The following FNIP1 variants were observed in gnomAD, a reference collection of about 807,000 sequenced individuals.
FNIP1 encodes folliculin-interacting protein 1.
FNIP1 carries 40 observed loss-of-function variants against 124.5 expected under a neutral mutation model. That is an observed-to-expected ratio of 0.32 (90% confidence interval 0.25 to 0.42). The LOEUF (loss-of-function observed/expected upper bound fraction) is 0.42. FNIP1 is among the 10% of genes least tolerant of loss of function. The pLI, the probability that FNIP1 is intolerant of heterozygous loss-of-function variation, is 1.00. For synonymous variants in FNIP1, 472 were observed against 470.6 expected (o/e 1.00, Z -0.04); for missense variants, 1,176 against 1,403.7 (o/e 0.84, Z 2.59).
At chr5:131,785,487 G>A (rs1011574857) in intron 1 of FNIP1, among the ~76,000 whole-genome samples, 20 of 151,816 alleles carry the variant, frequency 1.3e-4, no homozygotes, top group East Asian at 5.8e-4. Flanking sequence ...CCCGGGAGGC[G>A]GAGGTTGCAG....
chr5:131,772,811 C>CA (rs1383725324), intron 1 of FNIP1, among the ~76,000 whole-genome samples: 2 of 152,198 alleles, frequency 1.3e-5, no homozygotes, highest in African/African-American at 2.4e-5. Context: ...ATAACTGCAA[C>CA]AGTGCTTCAC....
chr5:131,754,742 G>A (rs1382970493), intron 1 of FNIP1, among the ~76,000 whole-genome samples: 1 of 152,192 alleles, frequency 6.6e-6, no homozygotes, highest in Non-Finnish European at 1.5e-5. Context: ...TCTTCATCCA[G>A]GCAATGAGTA....
chr5:131,647,208 G>A lies in FNIP1; in HGVS notation c.3307-3C>T. ...CGGTCTTCAAGATGCATTACACACT[G>A]CAGTTAGGGAGGAACCAAGAACCAG... is the stretch of plus-strand genomic sequence containing the variant. On this transcript the variant is annotated splice_polypyrimidine_tract_variant and splice_region_variant and intron_variant, in intron 16 of 17. Transcript: ENST00000510461. 6.2e-7 allele frequency: 1 copy of A among 1,610,628 alleles called. No homozygotes were observed. Among genetic ancestry groups the A allele is most frequent in the African/African-American group, 1.3e-5 (1 of 74,954 alleles).
intron 11 of FNIP1, among the ~76,000 whole-genome samples, chr5:131,697,171 G>C (rs1287334002): frequency 6.6e-6 from 1 of 152,072 alleles, no homozygotes; most frequent in Non-Finnish European, 1.5e-5. Context: ...GCCCCAGTAA[G>C]AGACCACACA....
intron 1 of FNIP1, among the ~76,000 whole-genome samples, chr5:131,763,902 T>A (rs1478995133): frequency 6.6e-6 from 1 of 152,136 alleles, no homozygotes; most frequent in Non-Finnish European, 1.5e-5. Flanking sequence ...TTTGGATCTG[T>A]GTCCCTGCCA....
chr5:131,698,465 G>T (rs925624025), intron 11 of FNIP1, among the ~76,000 whole-genome samples: 2 of 152,188 alleles, frequency 1.3e-5, no homozygotes, highest in African/African-American at 2.4e-5. Context: ...CTAGCGGAAG[G>T]ACTATTCACT....
Position 131,651,653 on chromosome 5 carries a change from A to G in FNIP1, c.3306+149T>C, listed in dbSNP as rs536174782. The G allele has an allele frequency of 1.2e-3, 890 of 716,920 alleles. 2 individuals carry two copies. Among genetic ancestry groups the G allele is most frequent in the Middle Eastern group, 4.0e-3 (10 of 2,526 alleles). The allele number at this position is 716,920 out of a possible 1,614,324, so 44.4% of individuals were successfully genotyped here. ...TACCTCCCAAAGATCCTATCTCCAA[A>G]TACTGTCACACTGGGAATTAGGGCT... On this transcript the variant is annotated intron_variant, in intron 16 of 17. Transcript: ENST00000510461.
At chr5:131,741,067 C>A (rs1022604316) in intron 2 of FNIP1, among the ~76,000 whole-genome samples, 1 of 152,142 alleles carries the variant, frequency 6.6e-6, no homozygotes, top group African/African-American at 2.4e-5. Context: ...CAGCAGGCCT[C>A]GGGGCTGGTC....
intron 13 of FNIP1, among the ~76,000 whole-genome samples, chr5:131,676,267 C>A (rs1767909367): frequency 1.3e-5 from 2 of 152,166 alleles, no homozygotes; most frequent in Non-Finnish European, 2.9e-5. Flanking sequence ...CCTGCCTCGG[C>A]CTCCCAAAGT....
At chr5:131,681,076 C>A (rs918500715) in intron 11 of FNIP1, among the ~76,000 whole-genome samples, 2 of 152,302 alleles carry the variant, frequency 1.3e-5, no homozygotes, top group Non-Finnish European at 1.5e-5. Flanking sequence ...CCTACCTCCT[C>A]TCCACTTCCC....
chr5:131,726,872 A>AAAG, intron 3 of FNIP1, among the ~76,000 whole-genome samples: 1 of 148,592 alleles, frequency 6.7e-6, no homozygotes, highest in Non-Finnish European at 1.5e-5. Flanking sequence ...GTCTTTGTTC[A>AAAG]AACTTATTTA....
intron 5 of FNIP1, among the ~76,000 whole-genome samples, chr5:131,716,998 A>T (rs1264003062): frequency 6.6e-6 from 1 of 151,430 alleles, no homozygotes; most frequent in Non-Finnish European, 1.5e-5. Flanking sequence ...ATTTTTTTTT[A>T]TTATTATATT....
At chr5:131,650,362 A>G (rs945094556) in intron 16 of FNIP1, among the ~76,000 whole-genome samples, 1 of 152,134 alleles carries the variant, frequency 6.6e-6, no homozygotes, top group Non-Finnish European at 1.5e-5. Context: ...TAAGTAATTT[A>G]TTCTTTTTGG....
chr5:131,754,069 C>G (rs1250014271), intron 1 of FNIP1, among the ~76,000 whole-genome samples: 2 of 152,210 alleles, frequency 1.3e-5, no homozygotes, highest in African/African-American at 4.8e-5. Flanking sequence ...GCCTTGGTCT[C>G]CCAAAGTGGT....
intron 6 of FNIP1, among the ~76,000 whole-genome samples, chr5:131,714,753 G>C (rs1444125474): frequency 6.6e-6 from 1 of 152,110 alleles, no homozygotes; most frequent in Non-Finnish European, 1.5e-5. Context: ...TGACTCTCCA[G>C]GACTGAATTG....
intron 1 of FNIP1, among the ~76,000 whole-genome samples, chr5:131,790,778 T>C (rs1025908429): frequency 1.3e-5 from 2 of 152,146 alleles, no homozygotes; most frequent in Non-Finnish European, 2.9e-5. Flanking sequence ...GTAATTAGAA[T>C]AAGCCCAGAT....
intron 15 of FNIP1, among the ~76,000 whole-genome samples, chr5:131,654,196 A>C (rs959147842): frequency 2.0e-5 from 3 of 152,246 alleles, no homozygotes; most frequent in African/African-American, 7.2e-5. Context: ...AACAAAGACC[A>C]AAAATGACAA....
intron 12 of FNIP1, among the ~76,000 whole-genome samples, chr5:131,678,812 A>G (rs1031568553): frequency 6.6e-6 from 1 of 152,206 alleles, no homozygotes; most frequent in Non-Finnish European, 1.5e-5. Flanking sequence ...TATGTCAGGA[A>G]TTTTAATTAC....
At chr5:131,693,094 A>G (rs1294921279) in intron 11 of FNIP1, among the ~76,000 whole-genome samples, 1 of 151,048 alleles carries the variant, frequency 6.6e-6, no homozygotes, top group Non-Finnish European at 1.5e-5. Flanking sequence ...AATATTATAT[A>G]CTGGAATATT....
Sources: gnomAD v4.1 joint callset for allele counts (sites outside exome capture counted in the v4.1 genomes callset) on GRCh38, gnomAD v4.1.1 for gene constraint, MANE v1.5 for transcripts, NCBI Gene and HGNC (gene_info 2026-07-23, HGNC 2026-07-21) for gene names.